The following VPS53 variants were observed in gnomAD, a reference collection of about 807,000 sequenced individuals.
VPS53 encodes the protein vacuolar protein sorting-associated protein 53 homolog.
A neutral mutation model predicts 107.0 loss-of-function variants in VPS53; 70 were observed. That is an observed-to-expected ratio of 0.65 (90% CI 0.54 to 0.80). The LOEUF (loss-of-function observed/expected upper bound fraction) is 0.80, where lower values mean the gene tolerates loss of function less well. VPS53 is among the 30% of genes least tolerant of loss of function. The pLI, the probability that VPS53 is intolerant of heterozygous loss-of-function variation, is 0.00. For missense variants in VPS53, 917 were observed against 1,049.4 expected, an observed-to-expected ratio of 0.87 and a Z score of 1.74; for synonymous variants, 409 against 393.3, an observed-to-expected ratio of 1.04 and a Z score of -0.47.
rs1280698199 is a variant in VPS53 at position 595,106 on chromosome 17, T to TC, written c.1218+6688dup. Among the ~76,000 whole-genome samples, 77 of 75,470 alleles carry TC rather than the reference T, an allele frequency of 1.0e-3. 1 individual carries two copies. Among genetic ancestry groups the TC allele is most frequent in the African/African-American group, 3.1e-3 (55 of 17,492 alleles). 49.5% of individuals were successfully genotyped at this position (75,470 alleles called of 152,430 possible). A position where few individuals can be genotyped will look rare whatever the true frequency, so the allele number is the denominator to read the frequency against. On this transcript the variant is annotated intron_variant, in intron 12 of 21. Transcript: ENST00000437048. ...CCTCGTTTGATGATGCACTCTAGTG[T>TC]CCCCCTGGAGGAAGCTGGGAGATGG...
chr17:676,894 C>T (rs1193113722), intron 4 of VPS53, among the ~76,000 whole-genome samples: 1 of 150,316 alleles, frequency 6.7e-6, no homozygotes, highest in East Asian at 2.0e-4. Context: ...GCACTACATA[C>T]AAAAGCTTAA....
At chr17:687,247 C>T (rs554837478) in intron 4 of VPS53, among the ~76,000 whole-genome samples, 2 of 148,772 alleles carry the variant, frequency 1.3e-5, no homozygotes, top group South Asian at 2.1e-4. Flanking sequence ...GATCGTAACA[C>T]GGCACTCCAG....
intron 7 of VPS53, among the ~76,000 whole-genome samples, chr17:642,175 G>A (rs1027393546): frequency 6.6e-6 from 1 of 152,146 alleles, no homozygotes; most frequent in Non-Finnish European, 1.5e-5. Flanking sequence ...CTTCTAAACA[G>A]CAGGGTTAAT....
chr17:672,152 AAT>A (rs1971981034), intron 4 of VPS53, among the ~76,000 whole-genome samples: 5 of 118,878 alleles, frequency 4.2e-5, no homozygotes, highest in East Asian at 2.6e-4. Context: ...ACACACACAC[AAT>A]CTCTCTCTCA....
chr17:653,943 A>C (rs1322203569), intron 6 of VPS53, among the ~76,000 whole-genome samples: 1 of 152,220 alleles, frequency 6.6e-6, no homozygotes, highest in Admixed American at 6.5e-5. Flanking sequence ...CGCCTGTCAT[A>C]CCCACACTGT....
intron 2 of VPS53, among the ~76,000 whole-genome samples, chr17:701,417 C>CG (rs1415885667): frequency 1.3e-5 from 2 of 151,916 alleles, no homozygotes; most frequent in Admixed American, 1.3e-4. Context: ...CTAGCTCTGT[C>CG]ACCAGGCTGG....
intron 11 of VPS53, among the ~76,000 whole-genome samples, chr17:615,210 T>C (rs1812731616): frequency 6.6e-6 from 1 of 152,244 alleles, no homozygotes; most frequent in Admixed American, 6.5e-5. Context: ...CACAGGCAGC[T>C]CACCTCCTCA....
intron 11 of VPS53, among the ~76,000 whole-genome samples, chr17:604,236 T>C (rs1968458386): frequency 6.6e-6 from 1 of 152,178 alleles, no homozygotes; most frequent in African/African-American, 2.4e-5. Context: ...TCCCGGGCTC[T>C]GCTCTCGCTG....
intron 19 of VPS53, chr17:532,191 G>A (rs984249193): frequency 2.6e-5 from 4 of 152,022 alleles, no homozygotes; most frequent in South Asian, 2.1e-4. Context: ...CAGATGATCC[G>A]CCTGCCTGGG....
chr17:669,314 G>T (rs1020615664), intron 4 of VPS53, among the ~76,000 whole-genome samples: 1 of 152,208 alleles, frequency 6.6e-6, no homozygotes, highest in Non-Finnish European at 1.5e-5. Context: ...TGGTTGGCCG[G>T]GGGGGCAGTA....
chr17:627,308 C>T lies in VPS53; in HGVS notation c.840G>A (p.Trp280Ter). The T allele has an allele frequency of 1.2e-6, 2 of 1,613,100 alleles. No homozygotes were observed. The highest frequency in any genetic ancestry group is 1.7e-6 in the Non-Finnish European group (2 of 1,179,578). ...CATAGCGTCTGTCGATTTTGTCCAG[C>T]CAGGCAACCTGGTGAAGGTGGAGAT... is the stretch of plus-strand genomic sequence containing the variant. ...VLFQENQDVAWLDKIDRRYAW... is the reference protein window; with the variant it reads ...VLFQENQDVA The change falls in exon 10 of 22, where the codon TGG (tryptophan) becomes TGA (stop). Residue 280 changes from tryptophan to a stop codon, truncating the protein, a stop_gained. Coordinates refer to ENST00000437048, the MANE Select transcript of VPS53 (RefSeq NM_001128159.3). LOFTEE classifies it high-confidence loss of function.
intron 4 of VPS53, among the ~76,000 whole-genome samples, chr17:683,334 C>T (rs1322712758): frequency 1.3e-5 from 2 of 151,216 alleles, no homozygotes; most frequent in East Asian, 1.9e-4. Context: ...AGAAACAATG[C>T]AAGCTAGAAG....
At chr17:584,957 T>C (rs1314448074) in intron 13 of VPS53, among the ~76,000 whole-genome samples, 2 of 152,084 alleles carry the variant, frequency 1.3e-5, no homozygotes, top group African/African-American at 4.8e-5. Flanking sequence ...AATTAGTAAA[T>C]GTAGAAGAAA....
In VPS53 at chr17:529,642, G is replaced by A. The variant is rs73290593; in HGVS notation, c.2085+3200C>T. On this transcript the variant is annotated intron_variant, in intron 19 of 21. Coordinates refer to ENST00000437048, the MANE Select transcript of VPS53 (RefSeq NM_001128159.3). Reference sequence around the variant, plus strand: ...ACATGAGCTATCCTGTCATTTTAAAGGTCTTTATGGATTCTGTGTCTTAAT... The same window carrying A: ...ACATGAGCTATCCTGTCATTTTAAAAGTCTTTATGGATTCTGTGTCTTAAT... Among the ~76,000 whole-genome samples, 1,290 of 152,178 alleles carry A rather than the reference G, an allele frequency of 8.5e-3. 21 individuals carry two copies. The highest frequency in any genetic ancestry group is 0.03 in the African/African-American group (1,230 of 41,502).
rs374704413 is a variant in VPS53 at position 630,474 on chromosome 17, C to A, written c.687+1076G>T. On this transcript the variant is annotated intron_variant, in intron 8 of 21. Transcript: ENST00000437048. The stretch of plus-strand genomic sequence containing the variant: ...AATAGGACTAATGGCTTTCCAATAT[C>A]TACTCCCTCCCTGCAGTTATATCAG... Among the ~76,000 whole-genome samples the A allele has an allele frequency of 7.2e-5, 11 of 152,148 alleles. 1 individual carries two copies. Among genetic ancestry groups the A allele is most frequent in the Admixed American group, 7.2e-4 (11 of 15,276 alleles).
chr17:615,192 G>T (rs868139551), intron 11 of VPS53, among the ~76,000 whole-genome samples: 2 of 152,186 alleles, frequency 1.3e-5, no homozygotes. Flanking sequence ...TGAGGCAACT[G>T]GGAAAAGCAC....
chr17:630,456 C>T (rs758023284), intron 8 of VPS53, among the ~76,000 whole-genome samples: 4 of 152,278 alleles, frequency 2.6e-5, no homozygotes, highest in Non-Finnish European at 5.9e-5. Flanking sequence ...ATAAATAGGA[C>T]TAATGGCTTT....
chr17:654,739 AAAAAAAAAAAAAAAAG>A (rs899607423), intron 6 of VPS53, among the ~76,000 whole-genome samples: 1 of 142,860 alleles, frequency 7.0e-6, no homozygotes, highest in Admixed American at 7.5e-5. Flanking sequence ...TCCAACTCAA[AAAAAAAAAAAAAAAAG>A]AAAAAAGAAA....
chr17:638,514 T>A (rs572125967), intron 7 of VPS53, among the ~76,000 whole-genome samples: 1 of 152,348 alleles, frequency 6.6e-6, no homozygotes, highest in South Asian at 2.1e-4. Context: ...CTAGCATGGA[T>A]GGTCTTTACA....
Sources: gnomAD v4.1 joint callset for allele counts (sites outside exome capture counted in the v4.1 genomes callset) on GRCh38, gnomAD v4.1.1 for gene constraint, MANE v1.5 for transcripts, NCBI Gene and HGNC (gene_info 2026-07-23, HGNC 2026-07-21) for gene names.